The following CTNNBIP1 variants were observed in gnomAD, a reference collection of about 807,000 sequenced individuals.
CTNNBIP1 encodes the protein catenin beta interacting protein 1.
CTNNBIP1 carries 7 observed loss-of-function variants against 11.8 expected under a neutral mutation model. The observed-to-expected ratio is 0.60, with a 90% CI of 0.34 to 1.12. The LOEUF is 1.12. CTNNBIP1 is among the 50% of genes most tolerant of loss of function. The pLI is 0.03. For synonymous variants in CTNNBIP1, 58 were observed against 43.9 expected, an observed-to-expected ratio of 1.32 and a Z score of -1.26; for missense variants, 101 against 113.4, an observed-to-expected ratio of 0.89 and a Z score of 0.50.
intron 5 of CTNNBIP1, among the ~76,000 whole-genome samples, chr1:9,860,330 C>T (rs1419940398): frequency 6.6e-6 from 1 of 150,398 alleles, no homozygotes. Context: ...GTGGCTCATG[C>T]CTGTAATCCC....
chr1:9,895,559 G>A (rs1404879790), intron 1 of CTNNBIP1, among the ~76,000 whole-genome samples: 8 of 145,666 alleles, frequency 5.5e-5, no homozygotes, highest in East Asian at 4.1e-4. Context: ...GCAGTGGCAC[G>A]ATCTCGGCTC....
At chr1:9,881,005 G>A (rs939475996) in intron 2 of CTNNBIP1, among the ~76,000 whole-genome samples, 7 of 152,050 alleles carry the variant, frequency 4.6e-5, no homozygotes, top group African/African-American at 9.7e-5. Flanking sequence ...CCCATGCTTG[G>A]TTTACTGTTC....
rs143778841 is a variant in CTNNBIP1 at position 9,888,586 on chromosome 1, G to A, written c.-143-4848C>T. Reference sequence around the variant, plus strand: ...AAATTAAGAAATGGTAATGTAAGGCGATGGGGAGAGGCCCTGCATCTGTCT... The same window carrying A: ...AAATTAAGAAATGGTAATGTAAGGCAATGGGGAGAGGCCCTGCATCTGTCT... On this transcript the variant is annotated intron_variant, in intron 1 of 5. Coordinates refer to ENST00000377263, the MANE Select transcript of CTNNBIP1 (RefSeq NM_020248.3). Among the ~76,000 whole-genome samples the A allele has an allele frequency of 5.0e-4, 76 of 152,108 alleles. No individual in the cohort carries two copies. The East Asian group carries it at 0.013, about 25-fold the overall frequency.
chr1:9,886,595 C>G (rs971548266), intron 1 of CTNNBIP1, among the ~76,000 whole-genome samples: 1 of 152,190 alleles, frequency 6.6e-6, no homozygotes, highest in Non-Finnish European at 1.5e-5. Context: ...CCATGGTGCA[C>G]AGAGGTGACA....
intron 3 of CTNNBIP1, among the ~76,000 whole-genome samples, chr1:9,873,907 A>G (rs549921770): frequency 6.6e-6 from 1 of 152,106 alleles, no homozygotes; most frequent in South Asian, 2.1e-4. Flanking sequence ...GGCTAATTTA[A>G]AAACATTTTT....
chr1:9,889,344 G>A (rs1457369327), intron 1 of CTNNBIP1, among the ~76,000 whole-genome samples: 1 of 152,160 alleles, frequency 6.6e-6, no homozygotes, highest in Non-Finnish European at 1.5e-5. Context: ...GTCACGACTA[G>A]TAGGGTCCTG....
rs567632165 is a variant in CTNNBIP1 at position 9,899,560 on chromosome 1, G to A, written c.-144+10535C>T. On this transcript the variant is annotated intron_variant, in intron 1 of 5. Transcript: ENST00000377263. Reference sequence around the variant, plus strand: ...TAGGTCACAAGGTCAGGAGATCAAGGCTATCTTGGCCAACATGGTGAAACC... The same window carrying A: ...TAGGTCACAAGGTCAGGAGATCAAGACTATCTTGGCCAACATGGTGAAACC... 3.1e-4 allele frequency among the ~76,000 whole-genome samples: 45 copies of A among 142,936 alleles called. No individual in the cohort carries two copies. In the East Asian group the frequency reaches 8.5e-3, roughly 27 times the overall value. 93.8% of individuals were successfully genotyped at this position (142,936 alleles called of 152,430 possible).
chr1:9,865,425 C>A (rs180695367), intron 5 of CTNNBIP1, among the ~76,000 whole-genome samples: 98 of 151,966 alleles, frequency 6.4e-4, no homozygotes, highest in African/African-American at 2.3e-3. Flanking sequence ...ACGGTGAAAC[C>A]CCGTCTCTAC....
chr1:9,903,818 T>C (rs1404786756), intron 1 of CTNNBIP1, among the ~76,000 whole-genome samples: 3 of 152,124 alleles, frequency 2.0e-5, no homozygotes, highest in East Asian at 1.9e-4. Flanking sequence ...ATCACCTACA[T>C]TGGGCTTAAG....
rs1639131241 is a variant in CTNNBIP1 at position 9,883,833 on chromosome 1, G to A, written c.-143-95C>T. ...GCCTGAGAGCTGTGCTCAGCCTCAG[G>A]TGAGTCTTAACCTCGGCTTTGCCTC... On this transcript the variant is annotated intron_variant, in intron 1 of 5. Coordinates refer to ENST00000377263, the MANE Select transcript of CTNNBIP1 (RefSeq NM_020248.3). This position sits in a 1 kb window ranked among gnomAD's most constrained non-coding sequence, Gnocchi z 5.6. 1.3e-5 allele frequency: 2 copies of A among 153,134 alleles called. 1 individual carries two copies. Among genetic ancestry groups the A allele is most frequent in the South Asian group, 4.1e-4 (2 of 4,828 alleles). The allele number at this position is 153,134 out of a possible 1,614,324, so 9.5% of individuals were successfully genotyped here.
intron 1 of CTNNBIP1, among the ~76,000 whole-genome samples, chr1:9,902,825 G>T (rs1639548247): frequency 6.6e-6 from 1 of 151,836 alleles, no homozygotes; most frequent in Admixed American, 6.6e-5. Flanking sequence ...GAGTGCAATG[G>T]TGCAATCTCA....
chr1:9,887,848 G>A (rs1639217183), intron 1 of CTNNBIP1, among the ~76,000 whole-genome samples: 1 of 151,910 alleles, frequency 6.6e-6, no homozygotes, highest in Admixed American at 6.6e-5. Context: ...TTTTTGAGAT[G>A]GAGTCTCACA....
At chr1:9,895,202 C>T (rs1292797143) in intron 1 of CTNNBIP1, among the ~76,000 whole-genome samples, 4 of 145,388 alleles carry the variant, frequency 2.8e-5, no homozygotes, top group Admixed American at 1.4e-4. Context: ...CCACTGCACC[C>T]GGCCTGTTTT....
At chr1:9,861,096 C>T (rs1638616326) in intron 5 of CTNNBIP1, among the ~76,000 whole-genome samples, 1 of 152,206 alleles carries the variant, frequency 6.6e-6, no homozygotes, top group Non-Finnish European at 1.5e-5. Context: ...CAGGACAACG[C>T]CCACTCTGTG....
intron 1 of CTNNBIP1, among the ~76,000 whole-genome samples, chr1:9,908,810 C>T (rs1329925093): frequency 6.6e-6 from 1 of 152,198 alleles, no homozygotes; most frequent in African/African-American, 2.4e-5. Flanking sequence ...GAAACCGTGT[C>T]TGTCTTCACC....
chr1:9,858,653 G>C (rs1234310110), intron 5 of CTNNBIP1, among the ~76,000 whole-genome samples: 1 of 152,182 alleles, frequency 6.6e-6, no homozygotes, highest in Admixed American at 6.5e-5. Flanking sequence ...AGCACCCTCA[G>C]TGCTACCCAC....
chr1:9,882,418 G>C (rs1639101822), intron 2 of CTNNBIP1, among the ~76,000 whole-genome samples: 1 of 152,204 alleles, frequency 6.6e-6, no homozygotes, highest in Non-Finnish European at 1.5e-5. Flanking sequence ...GGTTAAGTTT[G>C]AGTCGCCTCG....
Position 9,907,886 on chromosome 1 carries a change from C to T in CTNNBIP1, c.-144+2209G>A, listed in dbSNP as rs1442721904. On this transcript the variant is annotated intron_variant, in intron 1 of 5. Transcript: ENST00000377263. ...CTCATAACTGGTATTCCTGCCTCCA[C>T]CTTTGCTCCTTAGAATCCAGTCTCT... 3.9e-5 allele frequency among the ~76,000 whole-genome samples: 6 copies of T among 152,206 alleles called. No homozygotes were observed. In the South Asian group the frequency reaches 1.2e-3, roughly 32 times the overall value.
At chr1:9,886,481 G>A (rs145949818) in intron 1 of CTNNBIP1, among the ~76,000 whole-genome samples, 9 of 152,350 alleles carry the variant, frequency 5.9e-5, no homozygotes, top group Middle Eastern at 3.4e-3. Flanking sequence ...CAGCTGACAC[G>A]TACTCTGGCT....
Sources: allele counts gnomAD v4.1 joint callset (sites outside exome capture counted in the v4.1 genomes callset), GRCh38; gene constraint gnomAD v4.1.1; non-coding constraint Gnocchi (gnomAD v3.1); transcripts MANE v1.5; gene names NCBI Gene and HGNC (gene_info 2026-07-23, HGNC 2026-07-21).